The following BMS1 variants were observed in gnomAD, a reference collection of about 807,000 sequenced individuals.
BMS1 encodes the protein BMS1 ribosome biogenesis factor.
A neutral mutation model predicts 138.7 loss-of-function variants in BMS1; 53 were observed. That is an observed-to-expected ratio of 0.38 (90% CI 0.31 to 0.48). The LOEUF (loss-of-function observed/expected upper bound fraction) is 0.48. Among genes scored for constraint, BMS1 ranks in the 20% least tolerant of loss-of-function variants. The probability of loss-of-function intolerance (pLI) is 0.97; values close to 1 mark genes in which losing one functional copy is unlikely to be tolerated. For missense variants in BMS1, 1,360 were observed against 1,565.5 expected (o/e 0.87, Z 2.22); for synonymous variants, 504 against 539.9 (o/e 0.93, Z 0.92).
intron 13 of BMS1, among the ~76,000 whole-genome samples, chr10:42,815,754 C>T (rs972981431): frequency 6.6e-6 from 1 of 152,140 alleles, no homozygotes; most frequent in African/African-American, 2.4e-5. Flanking sequence ...CCCAGAGCTC[C>T]AAAAACAAAT....
chr10:42,805,845 G>A (rs1841997178), intron 13 of BMS1, among the ~76,000 whole-genome samples: 1 of 152,098 alleles, frequency 6.6e-6, no homozygotes, highest in African/African-American at 2.4e-5. Flanking sequence ...TGTCACCCAG[G>A]CTGGAGTGCA....
rs992619147 is a variant in BMS1, at chr10:42,823,840, T to A, written c.3456+56T>A. The A allele has an allele frequency of 2.3e-6, 3 of 1,329,376 alleles. No individual in the cohort carries two copies. In the African/African-American group the frequency reaches 4.5e-5, roughly 20 times the overall value. The allele number at this position is 1,329,376 out of a possible 1,614,324, so 82.3% of individuals were successfully genotyped here. On this transcript the variant is annotated intron_variant, in intron 21 of 22. Transcript: ENST00000374518. ...AAGCCTGTGCTCTACAGACAGGGAG[T>A]CACACAGACACTTTTCTATAATTTC...
chr10:42,820,171 C>G, intron 15 of BMS1, 65 bp from the exon 16 acceptor site: 1 of 1,563,462 alleles, frequency 6.4e-7, no homozygotes, highest in Non-Finnish European at 8.7e-7. Flanking sequence ...CTCATTTGTT[C>G]ATGTTAATCT....
chr10:42,791,878 G>A (rs79178155), intron 6 of BMS1, 109 bp downstream of exon 6: 1 of 1,342,136 alleles, frequency 7.5e-7, no homozygotes, highest in African/African-American at 1.5e-5. Context: ...GAATAGGGGG[G>A]ATAGAAGTGT....
Position 42,796,465 on chromosome 10 carries a change from G to T in BMS1, c.1230-9G>T. The T allele has an allele frequency of 6.2e-7, 1 of 1,603,586 alleles. No individual in the cohort carries two copies. The highest frequency in any genetic ancestry group is 1.1e-5 in the South Asian group (1 of 90,346). On this transcript the variant is annotated splice_polypyrimidine_tract_variant and intron_variant, in intron 9 of 22. Coordinates refer to ENST00000374518, the MANE Select transcript of BMS1 (RefSeq NM_014753.4). ...AATTGAATTATTTTGTATTTCCTTG[G>T]TAATACAGGCTAATGATGCCAAAGG...
intron 21 of BMS1, 22 bp from the exon 22 acceptor site, chr10:42,830,239 C>A (rs747492008): frequency 1.9e-6 from 3 of 1,607,504 alleles, no homozygotes; most frequent in African/African-American, 2.7e-5. Flanking sequence ...GAATATGTCA[C>A]AGTCTTTGTT....
At chr10:42,817,638 G>C in intron 15 of BMS1, 144 bp downstream of exon 15, 3 of 726,936 alleles carry the variant, frequency 4.1e-6, no homozygotes, top group Middle Eastern at 4.1e-4. Context: ...GGGTAGAGAT[G>C]CATGTGAGTG....
chr10:42,830,392 G>A lies in BMS1; in HGVS notation c.3588G>A (p.Pro1196=), dbSNP rs550664789. 2.0e-5 allele frequency: 32 copies of A among 1,612,006 alleles called. No homozygotes were observed. The South Asian group carries it at 3.1e-4, about 16-fold the overall frequency. ...AGKVPKDRRR[P]AVIREPHERK... Reference sequence around the variant, plus strand: ...AGGTGCCAAAGGACAGGCGGAGACCGGCCGTCATACGCGAGCCTCATGAAA... The same window carrying A: ...AGGTGCCAAAGGACAGGCGGAGACCAGCCGTCATACGCGAGCCTCATGAAA... Residue 1196 remains proline (P), a synonymous_variant, in exon 22 of 23, where the codon CCG becomes CCA. Coordinates refer to ENST00000374518, the MANE Select transcript of BMS1 (RefSeq NM_014753.4).
At chr10:42,795,905 C>T (rs745406174) in intron 9 of BMS1, among the ~76,000 whole-genome samples, 1 of 152,150 alleles carries the variant, frequency 6.6e-6, no homozygotes, top group Non-Finnish European at 1.5e-5. Flanking sequence ...CTGACTAATG[C>T]ACTTGTGTTT....
In BMS1 at chr10:42,784,461, A is replaced by T; in HGVS notation, c.67A>T (p.Lys23Ter). The T allele has an allele frequency of 6.2e-7, 1 of 1,613,902 alleles. No homozygotes were observed. The highest frequency in any genetic ancestry group is 2.2e-5 in the East Asian group (1 of 44,896). ...NSGPKAAKKK[K>*]RLLQDLQLGD... ...TGGACCCAAAGCTGCAAAGAAAAAGAAGCGGCTTCTGCAGGATCTCCAGCT... is the reference window on the plus strand; with the variant it reads ...TGGACCCAAAGCTGCAAAGAAAAAGTAGCGGCTTCTGCAGGATCTCCAGCT... The change falls in exon 2 of 23, where the codon AAG (lysine) becomes TAG (stop). Residue 23 changes from lysine to a stop codon, truncating the protein, a stop_gained. Transcript: ENST00000374518. LOFTEE classifies it high-confidence loss of function.
intron 18 of BMS1, among the ~76,000 whole-genome samples, chr10:42,821,765 C>A (rs1842509985): frequency 6.6e-6 from 1 of 152,018 alleles, no homozygotes; most frequent in East Asian, 1.9e-4. Flanking sequence ...GTTGGCCAGA[C>A]TGGTCTTGAA....
intron 12 of BMS1, among the ~76,000 whole-genome samples, chr10:42,799,375 G>A (rs953872351): frequency 3.3e-5 from 5 of 152,172 alleles, no homozygotes; most frequent in Non-Finnish European, 5.9e-5. Flanking sequence ...CCAGAGTGCT[G>A]GGATTACAGG....
At chr10:42,813,868 A>G (rs1842260280) in intron 13 of BMS1, among the ~76,000 whole-genome samples, 1 of 151,960 alleles carries the variant, frequency 6.6e-6, no homozygotes, top group Admixed American at 6.6e-5. Context: ...TTCATTTCTG[A>G]AGGGTAGTTT....
chr10:42,832,179 C>T lies in BMS1; in HGVS notation c.*1083C>T, dbSNP rs1842812974. ...GTGACTCACGCCTGTAATCCCAGCA[C>T]TTTGGGATGCTAAGGCAGGAGGATC... On this transcript the variant is annotated 3_prime_UTR_variant, in exon 23 of 23. Transcript: ENST00000374518. 6.6e-6 allele frequency: 1 copy of T among 152,156 alleles called. No individual in the cohort carries two copies. The highest frequency in any genetic ancestry group is 1.5e-5 in the Non-Finnish European group (1 of 68,034). 9.4% of individuals were successfully genotyped at this position (152,156 alleles called of 1,614,324 possible).
At chr10:42,822,410 TGTG>T (rs1239589072) in intron 19 of BMS1, among the ~76,000 whole-genome samples, 3 of 152,236 alleles carry the variant, frequency 2.0e-5, no homozygotes, top group Non-Finnish European at 4.4e-5. Flanking sequence ...ATAACTTCCA[TGTG>T]AGACTGCCAC....
intron 18 of BMS1, among the ~76,000 whole-genome samples, chr10:42,821,317 C>T (rs1301146061): frequency 6.6e-6 from 1 of 152,018 alleles, no homozygotes; most frequent in Non-Finnish European, 1.5e-5. Flanking sequence ...TGCAGCCGTG[C>T]AGGGAGTCCA....
Position 42,796,888 on chromosome 10 carries a change from A to C in BMS1, c.1644A>C (p.Lys548Asn). The C allele has an allele frequency of 6.2e-7, 1 of 1,614,228 alleles. No homozygotes were observed. The highest frequency in any genetic ancestry group is 8.5e-7 in the Non-Finnish European group (1 of 1,180,042). Residue 548 changes from lysine to asparagine, a missense_variant, in exon 10 of 23, where the codon AAA becomes AAC. By Grantham distance (94) the Lys-to-Asn change is moderately conservative. Around this residue, in one of 3 missense-constraint regions of BMS1, gnomAD observed 697 missense variants for 686.2 expected, o/e 1.02. Coordinates refer to ENST00000374518, the MANE Select transcript of BMS1 (RefSeq NM_014753.4). The part of the protein sequence containing the change: ...SGSKAAGEGS[K>N]AGLSPANCQS... ...CAAAGGCTGCTGGAGAAGGTAGTAA[A>C]GCAGGGCTGTCACCAGCTAATTGCC...
chr10:42,800,576 G>T (rs1269763175), intron 12 of BMS1, among the ~76,000 whole-genome samples: 1 of 149,182 alleles, frequency 6.7e-6, no homozygotes, highest in African/African-American at 2.5e-5. Flanking sequence ...GCCCAGGCTG[G>T]AGTGCAGTGG....
At chr10:42,817,206 T>C (rs1842374049) in intron 14 of BMS1, 112 bp from the exon 15 acceptor site, 1 of 850,498 alleles carries the variant, frequency 1.2e-6, no homozygotes, top group Non-Finnish European at 1.8e-6. Context: ...TTATTGATAA[T>C]GATAACAGAT....
Sources: gnomAD v4.1 joint callset for allele counts (sites outside exome capture counted in the v4.1 genomes callset) on GRCh38, gnomAD v4.1.1 for gene constraint, gnomAD v4.1.1 regional missense constraint, MANE v1.5 for transcripts, NCBI Gene and HGNC (gene_info 2026-07-23, HGNC 2026-07-21) for gene names.